Variants in LAMC3 observed in about 807,000 individuals in gnomAD.
LAMC3 encodes laminin subunit gamma-3.
Under a neutral mutation model 173.8 loss-of-function variants are expected in LAMC3, and 128 were observed. The observed-to-expected ratio is 0.74, with a 90% CI of 0.64 to 0.85. The LOEUF is 0.85. Among genes scored for constraint, LAMC3 ranks in the 40% least tolerant of loss-of-function variants. The pLI is 0.00. For synonymous variants in LAMC3, 897 were observed against 909.1 expected (o/e 0.99, Z 0.24); for missense variants, 2,022 against 2,156.0 (o/e 0.94, Z 1.23).
At chr9:131,021,481 T>G (rs1390292735) in intron 1 of LAMC3, among the ~76,000 whole-genome samples, 1 of 152,122 alleles carries the variant, frequency 6.6e-6, no homozygotes, top group African/African-American at 2.4e-5. Flanking sequence ...TACATATATA[T>G]AACTGTGTAG....
chr9:131,022,100 T>C (rs930144649), intron 1 of LAMC3, among the ~76,000 whole-genome samples: 1 of 151,054 alleles, frequency 6.6e-6, no homozygotes, highest in African/African-American at 2.4e-5. Context: ...AACTTTAGAG[T>C]GAAAGGAGGG....
chr9:131,058,392 C>T (rs1283394577), intron 12 of LAMC3, among the ~76,000 whole-genome samples: 1 of 150,202 alleles, frequency 6.7e-6, no homozygotes, highest in African/African-American at 2.4e-5. Context: ...GGATTACAGG[C>T]GTGAGCCACC....
chr9:131,052,770 T>TG, intron 10 of LAMC3, 80 bp from the exon 11 acceptor site: 3 of 1,383,508 alleles, frequency 2.2e-6, no homozygotes, highest in Non-Finnish European at 2.1e-6. Flanking sequence ...CCCTGTAGTC[T>TG]GGGGGGCTAC....
At chr9:131,069,197 G>A (rs145954759) in intron 16 of LAMC3, 147 bp downstream of exon 16, 15 of 934,838 alleles carry the variant, frequency 1.6e-5, no homozygotes, top group Middle Eastern at 3.3e-4. Context: ...AGCATGGAGC[G>A]AGTTGCTCCC....
chr9:131,068,771 G>A, intron 15 of LAMC3, 137 bp from the exon 16 acceptor site: 1 of 834,208 alleles, frequency 1.2e-6, no homozygotes, highest in Non-Finnish European at 1.9e-6. Context: ...TGGGGAAGCT[G>A]TGCCATGCAC....
chr9:131,016,787 C>CA (rs1390994190), intron 1 of LAMC3, among the ~76,000 whole-genome samples: 1 of 151,944 alleles, frequency 6.6e-6, no homozygotes, highest in East Asian at 1.9e-4. Context: ...AAAGAGTAGG[C>CA]AAAAAAAGAA....
At chr9:131,015,509 C>T (rs1044992415) in intron 1 of LAMC3, among the ~76,000 whole-genome samples, 20 of 152,200 alleles carry the variant, frequency 1.3e-4, no homozygotes, top group African/African-American at 4.3e-4. Flanking sequence ...ACTCCACCTG[C>T]ACCCCTCGCC....
rs140465882 is a variant in LAMC3 at position 131,062,217 on chromosome 9, C to T, written c.2347+994C>T. Among the ~76,000 whole-genome samples the T allele has an allele frequency of 4.5e-3, 681 of 151,536 alleles. 17 individuals carry two copies. The East Asian group carries it at 0.066, about 15-fold the overall frequency. On this transcript the variant is annotated intron_variant, in intron 13 of 27. Transcript: ENST00000361069. Reference sequence around the variant, plus strand: ...TCTACTAAAAATACGAAAAATTAGCCAGGCGTGGTGGCGGGCGCCTGTAGT... The same window carrying T: ...TCTACTAAAAATACGAAAAATTAGCTAGGCGTGGTGGCGGGCGCCTGTAGT...
intron 22 of LAMC3, among the ~76,000 whole-genome samples, chr9:131,078,220 G>A (rs924480741): frequency 1.3e-5 from 2 of 152,084 alleles, no homozygotes; most frequent in Non-Finnish European, 2.9e-5. Context: ...GGCCGGGCGC[G>A]GTGGCTCACA....
intron 13 of LAMC3, among the ~76,000 whole-genome samples, chr9:131,064,552 A>G (rs1337340613): frequency 6.6e-6 from 1 of 151,770 alleles, no homozygotes; most frequent in East Asian, 1.9e-4. Context: ...AGTCCCAGCT[A>G]CGCGGGAGGC....
chr9:131,038,132 C>G (rs1031646781), intron 4 of LAMC3, among the ~76,000 whole-genome samples: 3 of 152,248 alleles, frequency 2.0e-5, no homozygotes, highest in African/African-American at 7.2e-5. Context: ...TGGCCTATTC[C>G]TCACTGCTCA....
chr9:131,041,688 T>C lies in LAMC3; in HGVS notation c.1335T>C (p.Ser445=). ...GCCTGGACACCTGTGACCCCCGCAG[T>C]GGGCGCTGCCCCTGCAAAGAGAATG... ...AGSLDTCDPR[S]GRCPCKENVE... The change falls in exon 7 of 28, where the codon AGT becomes AGC. Residue 445 remains serine (S), a synonymous_variant. Coordinates refer to ENST00000361069, the MANE Select transcript of LAMC3 (RefSeq NM_006059.4). 6.2e-7 allele frequency: 1 copy of C among 1,614,114 alleles called. No individual in the cohort carries two copies. The highest frequency in any genetic ancestry group is 8.5e-7 in the Non-Finnish European group (1 of 1,180,040).
chr9:131,077,044 C>A, intron 21 of LAMC3, 143 bp from the exon 22 acceptor site: 1 of 1,068,688 alleles, frequency 9.4e-7, no homozygotes, highest in Non-Finnish European at 1.4e-6. Context: ...CTTTCCGAGG[C>A]AGCTGTACCT....
At chr9:131,060,556 A>G (rs1829785443) in intron 12 of LAMC3, among the ~76,000 whole-genome samples, 1 of 152,062 alleles carries the variant, frequency 6.6e-6, no homozygotes, top group Non-Finnish European at 1.5e-5. Flanking sequence ...AGGCAGTAAT[A>G]TCACTTGAAC....
intron 19 of LAMC3, 147 bp downstream of exon 19, chr9:131,072,982 T>C: frequency 1.2e-6 from 1 of 805,410 alleles, no homozygotes. Flanking sequence ...ACACAGTGCC[T>C]CCTCCTGGAT....
At chr9:131,048,595 C>G (rs1834220978) in intron 8 of LAMC3, among the ~76,000 whole-genome samples, 1 of 152,168 alleles carries the variant, frequency 6.6e-6, no homozygotes, top group African/African-American at 2.4e-5. Context: ...TGAACTGGCA[C>G]TGGGGACCAG....
chr9:131,046,117 C>G (rs1388208031), intron 8 of LAMC3, among the ~76,000 whole-genome samples: 1 of 151,328 alleles, frequency 6.6e-6, no homozygotes, highest in African/African-American at 2.4e-5. Flanking sequence ...AAAAGGTAGG[C>G]CACTTGCCTG....
In LAMC3 at chr9:131,073,243, A is replaced by G. The variant is rs1357885486; in HGVS notation, c.3418-2A>G. The G allele has an allele frequency of 5.6e-6, 9 of 1,611,050 alleles. No homozygotes were observed. Among genetic ancestry groups the G allele is most frequent in the South Asian group, 1.1e-5 (1 of 91,064 alleles). ...TTCCTCCTCTTCCTCTTCTTTCTAC[A>G]GGAGATTCCTCAGGAAGGTCCCAGT... On this transcript the variant is annotated splice_acceptor_variant, in intron 19 of 27. Transcript: ENST00000361069. LOFTEE classifies it high-confidence loss of function.
intron 1 of LAMC3, among the ~76,000 whole-genome samples, chr9:131,015,947 G>A (rs1833512635): frequency 1.3e-5 from 2 of 152,206 alleles, no homozygotes; most frequent in South Asian, 4.2e-4. Context: ...CGTGAGCCAC[G>A]GCACCTGACC....
Sources: gnomAD v4.1 joint callset for allele counts (sites outside exome capture counted in the v4.1 genomes callset) on GRCh38, gnomAD v4.1.1 for gene constraint, MANE v1.5 for transcripts, NCBI Gene and HGNC (gene_info 2026-07-23, HGNC 2026-07-21) for gene names.